SBF2: variants seen among roughly 807,000 people sequenced by gnomAD.
SBF2 encodes the protein myotubularin-related protein 13.
Under a neutral mutation model 225.2 loss-of-function variants are expected in SBF2, and 112 were observed. That is an observed-to-expected ratio of 0.50 (90% CI 0.43 to 0.58). The LOEUF is 0.58. Ranked by LOEUF, SBF2 falls within the 20% of genes least tolerant of loss-of-function variation. SBF2 has a pLI of 0.00. For missense variants in SBF2, 1,996 were observed against 2,206.2 expected (o/e 0.90, Z 1.91); for synonymous variants, 763 against 773.3 (o/e 0.99, Z 0.22).
Position 10,133,353 on chromosome 11 carries a change from G to A in SBF2, c.141+60549C>T, listed in dbSNP as rs1476600739. ...GATGGGACTGGGTGCCGTGGAGCAG[G>A]GGGTGGTGCTTGTCGGGGAGGCTCG... On this transcript the variant is annotated intron_variant, in intron 2 of 39. Coordinates refer to ENST00000256190, the MANE Select transcript of SBF2 (RefSeq NM_030962.4). 1.1e-4 allele frequency among the ~76,000 whole-genome samples: 16 copies of A among 149,710 alleles called. 2 individuals carry two copies. The highest frequency in any genetic ancestry group is 4.4e-4 in the East Asian group (2 of 4,560).
intron 32 of SBF2, among the ~76,000 whole-genome samples, chr11:9,803,294 C>T (rs1249403012): frequency 5.3e-5 from 8 of 151,388 alleles, no homozygotes; most frequent in African/African-American, 1.9e-4. Context: ...AAGCATATAC[C>T]CCAAATTGTT....
intron 2 of SBF2, among the ~76,000 whole-genome samples, chr11:10,044,292 C>T (rs891368570): frequency 5.4e-5 from 8 of 148,538 alleles, no homozygotes; most frequent in African/African-American, 1.7e-4. Context: ...AAATGAAAGA[C>T]GGGATATCAG....
chr11:9,887,144 T>C (rs1010428325), intron 17 of SBF2, among the ~76,000 whole-genome samples: 13 of 151,942 alleles, frequency 8.6e-5, no homozygotes, highest in African/African-American at 2.7e-4. Flanking sequence ...AAAAAAATTG[T>C]CCATCACATG....
At chr11:10,236,639 T>C (rs574132557) in intron 1 of SBF2, among the ~76,000 whole-genome samples, 2 of 152,254 alleles carry the variant, frequency 1.3e-5, no homozygotes, top group South Asian at 4.2e-4. Context: ...TTTGTATTTT[T>C]ACTAGAGATG....
At chr11:9,955,705 A>G (rs1866116165) in intron 16 of SBF2, among the ~76,000 whole-genome samples, 1 of 152,136 alleles carries the variant, frequency 6.6e-6, no homozygotes, top group South Asian at 2.1e-4. Context: ...ACTTTAAGAC[A>G]TAAAATATAC....
Position 9,780,098 on chromosome 11 carries a change from G to C in SBF2, c.*320C>G. ...AGGATCTATAGCTTTCATGAAGAAG[G>C]ACCCAAGTAGGTGGTAGCCATTTTG... On this transcript the variant is annotated 3_prime_UTR_variant, in exon 40 of 40. Transcript: ENST00000256190. 1 of 373,188 alleles carries C rather than the reference G, an allele frequency of 2.7e-6. No individual in the cohort carries two copies. Among genetic ancestry groups the C allele is most frequent in the African/African-American group, 2.1e-5 (1 of 48,496 alleles). 23.1% of individuals were successfully genotyped at this position (373,188 alleles called of 1,614,324 possible). A position where few individuals can be genotyped will look rare whatever the true frequency, so the allele number is the denominator to read the frequency against.
chr11:9,822,606 A>C (rs1053283245), intron 28 of SBF2, among the ~76,000 whole-genome samples: 1 of 152,136 alleles, frequency 6.6e-6, no homozygotes, highest in Non-Finnish European at 1.5e-5. Context: ...GTGACCTTGG[A>C]CCCAATCAGT....
At chr11:9,876,145 C>A (rs1368728202) in intron 17 of SBF2, among the ~76,000 whole-genome samples, 1 of 152,138 alleles carries the variant, frequency 6.6e-6, no homozygotes, top group Non-Finnish European at 1.5e-5. Flanking sequence ...GTAGGTGTAT[C>A]CCACAGTTGA....
intron 2 of SBF2, among the ~76,000 whole-genome samples, chr11:10,127,689 T>C (rs1953823613): frequency 6.6e-6 from 1 of 152,176 alleles, no homozygotes; most frequent in Admixed American, 6.5e-5. Context: ...ATATTGTCTT[T>C]ATCTACTGGA....
intron 2 of SBF2, among the ~76,000 whole-genome samples, chr11:10,136,668 C>T (rs1954370312): frequency 1.3e-5 from 2 of 152,154 alleles, no homozygotes; most frequent in African/African-American, 4.8e-5. Flanking sequence ...GGGACTGAGC[C>T]TTTAATCCGT....
intron 33 of SBF2, among the ~76,000 whole-genome samples, chr11:9,794,703 A>AAAAAAAAAC (rs1852999171): frequency 6.8e-6 from 1 of 146,152 alleles, no homozygotes; most frequent in Non-Finnish European, 1.5e-5. Context: ...AAAAAAAAAA[A>AAAAAAAAAC]AAAAGACCAG....
intron 27 of SBF2, chr11:9,829,745 C>T (rs1855276193): frequency 2.2e-6 from 1 of 452,590 alleles, no homozygotes; most frequent in Admixed American, 3.4e-5. Flanking sequence ...AGAAAGAGCC[C>T]AGGTCTGGAA....
At chr11:9,943,602 T>A (rs758964510) in intron 16 of SBF2, among the ~76,000 whole-genome samples, 8 of 152,016 alleles carry the variant, frequency 5.3e-5, no homozygotes, top group Non-Finnish European at 1.0e-4. Flanking sequence ...ACAGAAAACA[T>A]GCAAAGCCAA....
At chr11:10,285,488 C>T (rs1240367786) in intron 1 of SBF2, among the ~76,000 whole-genome samples, 2 of 152,070 alleles carry the variant, frequency 1.3e-5, no homozygotes, top group Admixed American at 6.5e-5. Context: ...AACAGAAAAA[C>T]CCCAACTTTC....
intron 1 of SBF2, among the ~76,000 whole-genome samples, chr11:10,201,744 C>A (rs551022942): frequency 6.6e-6 from 1 of 152,248 alleles, no homozygotes; most frequent in African/African-American, 2.4e-5. Flanking sequence ...GCCTGTAATC[C>A]CAGCACTTTG....
intron 13 of SBF2, among the ~76,000 whole-genome samples, chr11:9,970,357 C>CA (rs1459170255): frequency 3.9e-5 from 6 of 152,082 alleles, no homozygotes; most frequent in Non-Finnish European, 8.8e-5. Flanking sequence ...CAGGGCCCAC[C>CA]ACCACGCCCG....
chr11:9,888,504 CAA>C (rs11379489), intron 17 of SBF2, among the ~76,000 whole-genome samples: 1 of 138,020 alleles, frequency 7.2e-6, no homozygotes. Context: ...AAACCAGTCT[CAA>C]AAAAAAAAAA....
In SBF2 at chr11:9,992,383, T is replaced by C. The variant is rs73406739; in HGVS notation, c.1296+32A>G. 1.5e-3 allele frequency: 2,409 copies of C among 1,588,358 alleles called. 43 individuals carry two copies. In the African/African-American group the frequency reaches 0.029, roughly 19 times the overall value. On this transcript the variant is annotated intron_variant, in intron 12 of 39. Transcript: ENST00000256190. Reference sequence around the variant, plus strand: ...TTAACTACTAGTCTAATTATGTCTATAAATAATGCCTTCATTTAATAAGAG... The same window carrying C: ...TTAACTACTAGTCTAATTATGTCTACAAATAATGCCTTCATTTAATAAGAG...
At chr11:9,909,962 A>C (rs1862460221) in intron 16 of SBF2, among the ~76,000 whole-genome samples, 1 of 152,212 alleles carries the variant, frequency 6.6e-6, no homozygotes, top group Non-Finnish European at 1.5e-5. Flanking sequence ...GGGCAGAAAT[A>C]TGGAAAAATA....
Sources: gnomAD v4.1 joint callset for allele counts (sites outside exome capture counted in the v4.1 genomes callset) on GRCh38, gnomAD v4.1.1 for gene constraint, MANE v1.5 for transcripts, NCBI Gene and HGNC (gene_info 2026-07-23, HGNC 2026-07-21) for gene names.